Variants in GREB1 observed in about 807,000 individuals in gnomAD.
GREB1 encodes growth regulating estrogen receptor binding 1.
Under a neutral mutation model 200.7 loss-of-function variants are expected in GREB1, and 106 were observed. The observed-to-expected ratio is 0.53, with a 90% CI of 0.45 to 0.62. The LOEUF (loss-of-function observed/expected upper bound fraction) is 0.62. GREB1 is among the 20% of genes least tolerant of loss of function. The pLI, the probability that GREB1 is intolerant of heterozygous loss-of-function variation, is 0.00. For missense variants in GREB1, 2,243 were observed against 2,556.8 expected, an observed-to-expected ratio of 0.88 and a Z score of 2.65; for synonymous variants, 1,132 against 1,092.4, an observed-to-expected ratio of 1.04 and a Z score of -0.72.
intron 1 of GREB1, among the ~76,000 whole-genome samples, chr2:11,552,386 G>A (rs1033572809): frequency 3.3e-5 from 5 of 152,206 alleles, no homozygotes; most frequent in African/African-American, 1.2e-4. Context: ...AGTGGTCAGG[G>A]CCAGCCCAGG....
At position 11,591,596 on chromosome 2, in the gene GREB1, C is replaced by A. The variant is rs1680737825; in HGVS notation, c.1346-1180C>A. The A allele has an allele frequency of 4.5e-5, 28 of 625,788 alleles. No individual in the cohort carries two copies. The South Asian group carries it at 5.4e-4, about 12-fold the overall frequency. 38.8% of individuals were successfully genotyped at this position (625,788 alleles called of 1,614,324 possible). On this transcript the variant is annotated intron_variant, in intron 10 of 32. Coordinates refer to ENST00000381486, the MANE Select transcript of GREB1 (RefSeq NM_014668.4). Reference sequence around the variant, plus strand: ...TAGGTGCGGTAAAACCAGCGCTTGTCCGATGCACCGTTCGCGTGGTAAACT... The same window carrying A: ...TAGGTGCGGTAAAACCAGCGCTTGTACGATGCACCGTTCGCGTGGTAAACT...
rs1476453144 is a variant in GREB1, at chr2:11,588,898, C to T, written c.1312C>T (p.Leu438Phe). The change falls in exon 10 of 33, where the codon CTC becomes TTC. Residue 438 changes from leucine to phenylalanine, a missense_variant. By Grantham distance (22) the Leu-to-Phe change is conservative. Coordinates refer to ENST00000381486, the MANE Select transcript of GREB1 (RefSeq NM_014668.4). The stretch of plus-strand genomic sequence containing the variant: ...CCAGCCCATCTCCGAGGAGATGCAG[C>T]TCCTGCTTACCGTCTACTACCTGGT... ...AIQPISEEMQ[L>F]LLTVYYLVQL... 2 of 1,614,126 alleles carry T rather than the reference C, an allele frequency of 1.2e-6. No homozygotes were observed. The highest frequency in any genetic ancestry group is 1.7e-5 in the Admixed American group (1 of 60,030).
chr2:11,623,154 T>G (rs1436410857), intron 23 of GREB1, among the ~76,000 whole-genome samples: 1 of 152,218 alleles, frequency 6.6e-6, no homozygotes, highest in Non-Finnish European at 1.5e-5. Flanking sequence ...ACTGAAAAAT[T>G]CCTATCACCT....
intron 1 of GREB1, among the ~76,000 whole-genome samples, chr2:11,502,422 A>G (rs1371151124): frequency 1.4e-5 from 2 of 143,360 alleles, no homozygotes; most frequent in East Asian, 2.1e-4. Context: ...GGGTCTCGCC[A>G]TGTTGCCCAG....
At chr2:11,522,112 A>G (rs886489286) in intron 1 of GREB1, among the ~76,000 whole-genome samples, 2 of 152,200 alleles carry the variant, frequency 1.3e-5, no homozygotes, top group African/African-American at 4.8e-5. Context: ...TTTGTCAGGC[A>G]TTCTGCACAA....
intron 1 of GREB1, among the ~76,000 whole-genome samples, chr2:11,503,227 C>G (rs548463788): frequency 6.6e-6 from 1 of 152,178 alleles, no homozygotes; most frequent in Admixed American, 6.5e-5. Context: ...GGACAATTCT[C>G]ATGAGTGTGG....
intron 22 of GREB1, among the ~76,000 whole-genome samples, chr2:11,620,039 C>T (rs531298656): frequency 5.3e-5 from 8 of 152,244 alleles, no homozygotes; most frequent in African/African-American, 1.4e-4. Context: ...TGCAGTGGCA[C>T]GATCTCAGCT....
chr2:11,538,633 CTTT>C (rs1558510617), intron 1 of GREB1, among the ~76,000 whole-genome samples: 2,305 of 40,874 alleles, frequency 0.056, 135 homozygotes, highest in African/African-American at 0.088. Context: ...TTCTTTCTTT[CTTT>C]CTTTCTTTCT....
At chr2:11,514,981 TCCATCC>T (rs1439546159) in intron 1 of GREB1, among the ~76,000 whole-genome samples, 1 of 151,704 alleles carries the variant, frequency 6.6e-6, no homozygotes, top group Non-Finnish European at 1.5e-5. Flanking sequence ...CATCCATCCA[TCCATCC>T]GCGCATGTGT....
intron 11 of GREB1, among the ~76,000 whole-genome samples, chr2:11,594,096 C>T (rs1167117245): frequency 3.9e-5 from 6 of 152,114 alleles, no homozygotes; most frequent in East Asian, 3.8e-4. Context: ...ATCGAGCTCC[C>T]GGGCTCAAGT....
intron 1 of GREB1, among the ~76,000 whole-genome samples, chr2:11,526,474 G>A (rs1020055235): frequency 2.0e-5 from 3 of 151,676 alleles, no homozygotes; most frequent in African/African-American, 7.3e-5. Flanking sequence ...TTATGTATTC[G>A]GTACTAATTG....
intron 18 of GREB1, 133 bp downstream of exon 18, chr2:11,611,160 A>G (rs960630729): frequency 7.1e-6 from 5 of 708,528 alleles, no homozygotes; most frequent in Non-Finnish European, 7.1e-6. Flanking sequence ...GCCACCCCTC[A>G]GCCTCCTCTC....
At chr2:11,611,118 A>G (rs1682885139) in intron 18 of GREB1, 91 bp downstream of exon 18, 1 of 1,135,382 alleles carries the variant, frequency 8.8e-7, no homozygotes, top group Admixed American at 2.7e-5. Context: ...CACGAACCCC[A>G]CAGCGTGGCC....
chr2:11,576,013 AGG>A (rs1678816131), intron 4 of GREB1, among the ~76,000 whole-genome samples: 1 of 152,174 alleles, frequency 6.6e-6, no homozygotes, highest in Non-Finnish European at 1.5e-5. Context: ...CTAGTCTAAG[AGG>A]GTGGGGTGCT....
Position 11,558,334 on chromosome 2 carries a change from C to T in GREB1, c.157+1563C>T, listed in dbSNP as rs534001781. 1.5e-3 allele frequency among the ~76,000 whole-genome samples: 224 copies of T among 152,302 alleles called. 1 individual carries two copies. The highest frequency in any genetic ancestry group is 5.2e-3 in the African/African-American group (215 of 41,562). On this transcript the variant is annotated intron_variant, in intron 2 of 32. Coordinates refer to ENST00000381486, the MANE Select transcript of GREB1 (RefSeq NM_014668.4). The stretch of plus-strand genomic sequence containing the variant: ...GATCTTGATAGTTGCTTTCTGCCCA[C>T]CTTTAACTGGGAGGCTGTGTCTGAC...
chr2:11,527,296 C>A (rs2148483529), intron 1 of GREB1, among the ~76,000 whole-genome samples: 1 of 152,292 alleles, frequency 6.6e-6, no homozygotes, highest in East Asian at 1.9e-4. Flanking sequence ...CATGTCACTT[C>A]TTCAAGGGAA....
intron 1 of GREB1, among the ~76,000 whole-genome samples, chr2:11,523,802 A>T (rs1414493931): frequency 2.1e-5 from 3 of 142,476 alleles, no homozygotes; most frequent in African/African-American, 6.2e-5. Flanking sequence ...CCCCCGGCTT[A>T]CTGTGTTCAC....
At chr2:11,511,001 ACAGT>A (rs1346975892) in intron 1 of GREB1, among the ~76,000 whole-genome samples, 1 of 152,170 alleles carries the variant, frequency 6.6e-6, no homozygotes, top group Non-Finnish European at 1.5e-5. Context: ...TTTTAAAAAC[ACAGT>A]CAGTGTGCCT....
chr2:11,512,418 T>C (rs946958345), intron 1 of GREB1, among the ~76,000 whole-genome samples: 1 of 152,246 alleles, frequency 6.6e-6, no homozygotes, highest in African/African-American at 2.4e-5. Context: ...TATTGAGTGC[T>C]TACTATGTGC....
Sources: allele counts gnomAD v4.1 joint callset (sites outside exome capture counted in the v4.1 genomes callset), GRCh38; gene constraint gnomAD v4.1.1; transcripts MANE v1.5; gene names NCBI Gene and HGNC (gene_info 2026-07-23, HGNC 2026-07-21).